The following ARFGEF3 variants were observed in gnomAD, a reference collection of about 807,000 sequenced individuals.
ARFGEF3 encodes brefeldin A-inhibited guanine nucleotide-exchange protein 3.
A neutral mutation model predicts 221.7 loss-of-function variants in ARFGEF3; 96 were observed. That is an observed-to-expected ratio of 0.43 (90% CI 0.37 to 0.51). ARFGEF3 has a LOEUF of 0.51. Among genes scored for constraint, ARFGEF3 ranks in the 20% least tolerant of loss-of-function variants. The probability of loss-of-function intolerance (pLI) is 0.00; values close to 1 mark genes in which losing one functional copy is unlikely to be tolerated. For synonymous variants in ARFGEF3, 1,145 were observed against 1,126.8 expected (o/e 1.02, Z -0.32); for missense variants, 2,410 against 2,789.9 (o/e 0.86, Z 3.07).
chr6:138,243,571 ATTG>A (rs1284727896), intron 7 of ARFGEF3, among the ~76,000 whole-genome samples: 8 of 152,220 alleles, frequency 5.3e-5, no homozygotes, highest in Non-Finnish European at 1.2e-4. Flanking sequence ...GTTTGATAAT[ATTG>A]TTTTCTGAAA....
intron 2 of ARFGEF3, among the ~76,000 whole-genome samples, chr6:138,180,545 T>C (rs1377514064): frequency 6.6e-6 from 1 of 152,162 alleles, no homozygotes; most frequent in African/African-American, 2.4e-5. Flanking sequence ...GTAACTGAGT[T>C]TTGGCCCTGT....
chr6:138,325,454 C>A (rs913441834), intron 31 of ARFGEF3, among the ~76,000 whole-genome samples: 1 of 152,196 alleles, frequency 6.6e-6, no homozygotes, highest in South Asian at 2.1e-4. Flanking sequence ...CATGATTCTG[C>A]TGGTTCTGAA....
intron 29 of ARFGEF3, among the ~76,000 whole-genome samples, chr6:138,322,462 T>C (rs1450900252): frequency 6.6e-6 from 1 of 152,098 alleles, no homozygotes; most frequent in African/African-American, 2.4e-5. Context: ...TGTATCAGTG[T>C]CCATCAACAG....
chr6:138,185,180 T>C (rs1414475701), intron 2 of ARFGEF3, among the ~76,000 whole-genome samples: 1 of 152,186 alleles, frequency 6.6e-6, no homozygotes, highest in African/African-American at 2.4e-5. Context: ...TCTTTCTTCC[T>C]CCAAAACGTT....
At chr6:138,261,687 G>A in intron 11 of ARFGEF3, 48 bp downstream of exon 11, 2 of 1,148,882 alleles carry the variant, frequency 1.7e-6, no homozygotes, top group Non-Finnish European at 2.4e-6. Flanking sequence ...CTTTTCTGAA[G>A]ACTTTTAACC....
chr6:138,286,087 A>G (rs755780471), intron 15 of ARFGEF3, 34 bp downstream of exon 15: 3 of 1,154,968 alleles, frequency 2.6e-6, no homozygotes, highest in Middle Eastern at 1.9e-4. Context: ...ATGAACATCC[A>G]TACACTGCAT....
chr6:138,312,124 C>G (rs1014357302), intron 25 of ARFGEF3, among the ~76,000 whole-genome samples: 1 of 152,038 alleles, frequency 6.6e-6, no homozygotes, highest in Non-Finnish European at 1.5e-5. Context: ...CCATTGCACT[C>G]CGGCCTGGGT....
rs1318342828 is a variant in ARFGEF3, at chr6:138,209,964, C to A, written c.274C>A (p.Gln92Lys). ...CATGGAAACAGATTCTGATGAGAAG[C>A]AGCTGCTCAATCAGATACTGAATGC... Reference protein sequence around the residue: ...VSMETDSDEKQLLNQILNAVK... With the variant: ...VSMETDSDEKKLLNQILNAVK... Residue 92 changes from glutamine (Q) to lysine (K), a missense_variant, in exon 4 of 34, where the codon CAG (glutamine) becomes AAG (lysine). By Grantham distance (53) the Gln-to-Lys change is moderately conservative. Coordinates refer to ENST00000251691, the MANE Select transcript of ARFGEF3 (RefSeq NM_020340.5). 1.2e-6 allele frequency: 2 copies of A among 1,613,776 alleles called. No individual in the cohort carries two copies. The highest frequency in any genetic ancestry group is 2.2e-5 in the South Asian group (2 of 91,056).
intron 27 of ARFGEF3, among the ~76,000 whole-genome samples, chr6:138,318,002 C>T (rs771953108): frequency 5.9e-5 from 9 of 152,050 alleles, no homozygotes; most frequent in East Asian, 1.9e-4. Flanking sequence ...TTCTCAAGAT[C>T]AAAGAAACTT....
chr6:138,250,646 C>T (rs2114569239), intron 8 of ARFGEF3, among the ~76,000 whole-genome samples: 1 of 152,348 alleles, frequency 6.6e-6, no homozygotes, highest in East Asian at 1.9e-4. Flanking sequence ...GCTAGGCTGC[C>T]CTCCCAGTAG....
Position 138,291,235 on chromosome 6 carries a change from C to T in ARFGEF3, c.3048-498C>T, listed in dbSNP as rs1013368933. On this transcript the variant is annotated intron_variant, in intron 18 of 33. Transcript: ENST00000251691. This position sits in a 1 kb window ranked among gnomAD's most constrained non-coding sequence, Gnocchi z 4.5. ...CACCCAGACTTGAGTTATGTGGCGCCGTCGGGACCAGGCAGGACGTGGCTG... is the reference window on the plus strand; with the variant it reads ...CACCCAGACTTGAGTTATGTGGCGCTGTCGGGACCAGGCAGGACGTGGCTG... 6.6e-6 allele frequency among the ~76,000 whole-genome samples: 1 copy of T among 152,160 alleles called. No homozygotes were observed. Among genetic ancestry groups the T allele is most frequent in the Non-Finnish European group, 1.5e-5 (1 of 68,036 alleles).
intron 5 of ARFGEF3, 147 bp from the exon 6 acceptor site, chr6:138,238,362 T>G: frequency 1.6e-6 from 1 of 627,002 alleles, no homozygotes; most frequent in Non-Finnish European, 2.5e-6. Flanking sequence ...TAAAATATAT[T>G]TAGTTATATT....
chr6:138,273,522 G>C (rs141596881), intron 12 of ARFGEF3, among the ~76,000 whole-genome samples: 1 of 152,214 alleles, frequency 6.6e-6, no homozygotes, highest in Non-Finnish European at 1.5e-5. Flanking sequence ...TGGATAGCAC[G>C]TCAGTGAGGC....
chr6:138,227,059 T>C (rs1015526422), intron 4 of ARFGEF3, among the ~76,000 whole-genome samples: 5 of 151,504 alleles, frequency 3.3e-5, no homozygotes, highest in African/African-American at 7.3e-5. Context: ...TTTTTTTCCA[T>C]ATAGCTCAGT....
chr6:138,335,109 G>T lies in ARFGEF3; in HGVS notation c.6263G>T (p.Arg2088Leu). ...HSFSAGPELL[R>L]QDKRPRSGST... is the part of the protein sequence containing the mutation. Reference sequence around the variant, plus strand: ...TTCAGCGCAGGCCCCGAGCTGCTGCGACAGGACAAGAGGCCCCGCTCAGGC... The same window carrying T: ...TTCAGCGCAGGCCCCGAGCTGCTGCTACAGGACAAGAGGCCCCGCTCAGGC... The change falls in exon 33 of 34, where the codon CGA becomes CTA. Residue 2088 changes from arginine (R) to leucine (L), a missense_variant. Physicochemically the swap from Arg to Leu is moderately radical, Grantham distance 102. Transcript: ENST00000251691. 6.2e-7 allele frequency: 1 copy of T among 1,601,264 alleles called. No homozygotes were observed. The highest frequency in any genetic ancestry group is 1.1e-5 in the South Asian group (1 of 88,404).
intron 2 of ARFGEF3, among the ~76,000 whole-genome samples, chr6:138,171,765 A>AT (rs139169064): frequency 0.027 from 4,122 of 151,460 alleles, 78 homozygotes; most frequent in African/African-American, 0.055. Context: ...TGCCTGCTTG[A>AT]TTTTTTTTTA....
At chr6:138,320,961 G>A (rs554479646) in intron 28 of ARFGEF3, 150 bp from the exon 29 acceptor site, 28 of 593,162 alleles carry the variant, frequency 4.7e-5, no homozygotes, top group Admixed American at 2.8e-4. Context: ...GGGGCAGGAG[G>A]AGGATATGGC....
At chr6:138,246,437 G>A (rs1212197193) in intron 8 of ARFGEF3, among the ~76,000 whole-genome samples, 1 of 152,250 alleles carries the variant, frequency 6.6e-6, no homozygotes, top group Non-Finnish European at 1.5e-5. Flanking sequence ...TTGTAGGCAA[G>A]AATGAGGACT....
chr6:138,182,208 A>G (rs911388980), intron 2 of ARFGEF3, among the ~76,000 whole-genome samples: 1 of 152,178 alleles, frequency 6.6e-6, no homozygotes, highest in Admixed American at 6.5e-5. Context: ...GGACTCCAAA[A>G]ATCACCTTCC....
Sources: gnomAD v4.1 joint callset for allele counts (sites outside exome capture counted in the v4.1 genomes callset) on GRCh38, gnomAD v4.1.1 for gene constraint, Gnocchi (gnomAD v3.1) non-coding constraint, MANE v1.5 for transcripts, NCBI Gene and HGNC (gene_info 2026-07-23, HGNC 2026-07-21) for gene names.